ULK4: variants seen among roughly 807,000 people sequenced by gnomAD.
ULK4 encodes unc-51 like kinase 4, also known as inactive serine/threonine-protein kinase ULK4.
Under a neutral mutation model 160.6 loss-of-function variants are expected in ULK4, and 133 were observed. That is an observed-to-expected ratio of 0.83 (90% CI 0.72 to 0.96). The LOEUF is 0.96. Ranked by LOEUF, ULK4 falls within the 40% of genes least tolerant of loss-of-function variation. ULK4 has a pLI of 0.00. For missense variants in ULK4, 1,580 were observed against 1,499.5 expected (o/e 1.05, Z -0.89); for synonymous variants, 534 against 539.8 (o/e 0.99, Z 0.15).
At chr3:41,751,700 T>TA (rs2038636510) in intron 22 of ULK4, among the ~76,000 whole-genome samples, 1 of 152,216 alleles carries the variant, frequency 6.6e-6, no homozygotes, top group Admixed American at 6.5e-5. Context: ...TCCTTCCAGT[T>TA]AAAGAGCTTC....
chr3:41,797,313 A>G (rs574343231), intron 20 of ULK4, among the ~76,000 whole-genome samples: 22 of 152,332 alleles, frequency 1.4e-4, no homozygotes, highest in African/African-American at 5.3e-4. Context: ...CTTTATAGAA[A>G]ATATTTGCCA....
chr3:41,551,680 T>A (rs1346244190), intron 32 of ULK4, among the ~76,000 whole-genome samples: 1 of 151,952 alleles, frequency 6.6e-6, no homozygotes, highest in Non-Finnish European at 1.5e-5. Context: ...ACTGCCCAAT[T>A]CTACCAAACT....
At chr3:41,912,945 C>T in intron 8 of ULK4, 46 bp from the exon 9 acceptor site, 1 of 1,584,712 alleles carries the variant, frequency 6.3e-7, no homozygotes, top group Non-Finnish European at 8.6e-7. Flanking sequence ...CATGATTTAC[C>T]ATGAAAAATT....
At chr3:41,724,541 A>G (rs2037582023) in intron 22 of ULK4, among the ~76,000 whole-genome samples, 1 of 152,032 alleles carries the variant, frequency 6.6e-6, no homozygotes, top group Non-Finnish European at 1.5e-5. Flanking sequence ...TGGCTAACAC[A>G]GTGAAACCCG....
At chr3:41,399,273 A>G (rs1346845058) in intron 34 of ULK4, among the ~76,000 whole-genome samples, 1 of 152,108 alleles carries the variant, frequency 6.6e-6, no homozygotes, top group Non-Finnish European at 1.5e-5. Context: ...GTACCTTTTC[A>G]TGTGCTGATT....
intron 35 of ULK4, among the ~76,000 whole-genome samples, chr3:41,281,360 T>G (rs1156614407): frequency 6.6e-6 from 1 of 152,170 alleles, no homozygotes; most frequent in Non-Finnish European, 1.5e-5. Flanking sequence ...AAAGAAAATT[T>G]TGGACCAATA....
rs530058659 is a variant in ULK4 at position 41,699,496 on chromosome 3, C to T, written c.2781+5561G>A. On this transcript the variant is annotated intron_variant, in intron 27 of 36. Coordinates refer to ENST00000301831, the MANE Select transcript of ULK4 (RefSeq NM_017886.4). ...TGCTATTAATAATATTTTCCGAAAC[C>T]ACCATGAGTGGGGAACAAATTCGCT... is the stretch of plus-strand genomic sequence containing the variant. Among the ~76,000 whole-genome samples, 11 of 152,224 alleles carry T rather than the reference C, an allele frequency of 7.2e-5. No homozygotes were observed. In the East Asian group the frequency reaches 1.5e-3, roughly 21 times the overall value.
rs746704453 is a variant in ULK4, at chr3:41,898,429, T to C, written c.1348+3A>G. On this transcript the variant is annotated splice_donor_region_variant and intron_variant, in intron 14 of 36. Coordinates refer to ENST00000301831, the MANE Select transcript of ULK4 (RefSeq NM_017886.4). Reference sequence around the variant, plus strand: ...ATGTTCGATAAGTCCTTTATGATCCTACCTGAATATGTTGGTAGATGCAAT... The same window carrying C: ...ATGTTCGATAAGTCCTTTATGATCCCACCTGAATATGTTGGTAGATGCAAT... The C allele has an allele frequency of 1.9e-6, 3 of 1,580,564 alleles. No individual in the cohort carries two copies. Among genetic ancestry groups the C allele is most frequent in the East Asian group, 4.5e-5 (2 of 44,534 alleles).
chr3:41,819,392 G>A, intron 19 of ULK4, 31 bp downstream of exon 19: 2 of 1,596,126 alleles, frequency 1.3e-6, no homozygotes, highest in Non-Finnish European at 1.7e-6. Flanking sequence ...ACAATTGCCA[G>A]CATCTACAGA....
At chr3:41,849,903 G>A (rs953282277) in intron 17 of ULK4, among the ~76,000 whole-genome samples, 1 of 152,136 alleles carries the variant, frequency 6.6e-6, no homozygotes, top group African/African-American at 2.4e-5. Context: ...ATGTTGGTAT[G>A]CTGCACCCAT....
chr3:41,628,716 T>A (rs1182844601), intron 30 of ULK4, among the ~76,000 whole-genome samples: 1 of 152,216 alleles, frequency 6.6e-6, no homozygotes, highest in African/African-American at 2.4e-5. Flanking sequence ...TGATCTACAG[T>A]TCGGTTAACA....
At chr3:41,747,617 GTTTGGAGATAAGGCTGTA>G (rs2038462750) in intron 22 of ULK4, among the ~76,000 whole-genome samples, 1 of 152,158 alleles carries the variant, frequency 6.6e-6, no homozygotes. Flanking sequence ...ATAGGTGTGT[GTTTGGAGATAAGGCTGTA>G]TTTGGAGATT....
intron 32 of ULK4, among the ~76,000 whole-genome samples, chr3:41,524,792 G>C (rs1401662285): frequency 6.6e-6 from 1 of 152,030 alleles, no homozygotes; most frequent in Non-Finnish European, 1.5e-5. Context: ...AAAAAAATTA[G>C]CCGGGTGTGG....
rs370790233 is a variant in ULK4, at chr3:41,912,888, G to A, written c.815C>T (p.Thr272Ile). ...CCAAAATGAATGCTGCAGTAGCCTT[G>A]TCCAAGTCAATCTTTAAAAAACATA... ...QRDPQKRLTW[T>I]RLLQHSFWKK... Residue 272 changes from threonine to isoleucine, a missense_variant, in exon 9 of 37, where the codon ACA (threonine) becomes ATA (isoleucine). Thr to Ile is a moderately conservative substitution (Grantham distance 89). Transcript: ENST00000301831. 16 of 1,613,790 alleles carry A rather than the reference G, an allele frequency of 9.9e-6. No individual in the cohort carries two copies. The African/African-American group carries it at 1.3e-4, about 13-fold the overall frequency.
At chr3:41,888,723 G>A (rs1208874581) in intron 16 of ULK4, among the ~76,000 whole-genome samples, 1 of 152,166 alleles carries the variant, frequency 6.6e-6, no homozygotes, top group East Asian at 1.9e-4. Flanking sequence ...GGACATAGGT[G>A]TGGATGTGGG....
At chr3:41,420,616 G>T (rs576206615) in intron 34 of ULK4, among the ~76,000 whole-genome samples, 1 of 150,500 alleles carries the variant, frequency 6.6e-6, no homozygotes, top group African/African-American at 2.4e-5. Flanking sequence ...CCGAGCAGCT[G>T]AGATTACACA....
At chr3:41,961,110 T>C (rs1700647761) in intron 1 of ULK4, among the ~76,000 whole-genome samples, 1 of 147,916 alleles carries the variant, frequency 6.8e-6, no homozygotes, top group South Asian at 2.1e-4. Context: ...CAAGTTCACC[T>C]AAGAAGCATC....
intron 32 of ULK4, 86 bp from the exon 33 acceptor site, chr3:41,463,339 C>G: frequency 1.3e-5 from 18 of 1,342,032 alleles, no homozygotes; most frequent in Non-Finnish European, 1.8e-5. Context: ...CATTCTGGCT[C>G]TATGTTGCAT....
At chr3:41,855,560 A>G (rs1278518087) in intron 17 of ULK4, among the ~76,000 whole-genome samples, 2 of 152,214 alleles carry the variant, frequency 1.3e-5, no homozygotes, top group Non-Finnish European at 2.9e-5. Flanking sequence ...AGATACCGTA[A>G]TAACTTAAGT....
Sources: gnomAD v4.1 joint callset for allele counts (sites outside exome capture counted in the v4.1 genomes callset) on GRCh38, gnomAD v4.1.1 for gene constraint, MANE v1.5 for transcripts, NCBI Gene and HGNC (gene_info 2026-07-23, HGNC 2026-07-21) for gene names.